ENAH: variants seen among roughly 807,000 people sequenced by gnomAD.
ENAH encodes the protein ENAH actin regulator, also known as protein enabled homolog.
A neutral mutation model predicts 78.7 loss-of-function variants in ENAH; 23 were observed. The observed-to-expected ratio is 0.29, with a 90% CI of 0.21 to 0.41. The LOEUF (loss-of-function observed/expected upper bound fraction) is 0.41, where lower values mean the gene tolerates loss of function less well. Among genes scored for constraint, ENAH ranks in the 10% least tolerant of loss-of-function variants. ENAH has a pLI of 1.00. For missense variants in ENAH, 544 were observed against 691.0 expected (o/e 0.79, Z 2.39); for synonymous variants, 226 against 241.0 (o/e 0.94, Z 0.58).
chr1:225,623,333 T>C (rs1657339725), intron 1 of ENAH, among the ~76,000 whole-genome samples: 1 of 152,202 alleles, frequency 6.6e-6, no homozygotes, highest in South Asian at 2.1e-4. Flanking sequence ...ATCTCATTTA[T>C]GTTGTTGAGC....
intron 1 of ENAH, among the ~76,000 whole-genome samples, chr1:225,626,817 G>C (rs919207028): frequency 1.3e-5 from 2 of 152,048 alleles, no homozygotes; most frequent in African/African-American, 4.8e-5. Flanking sequence ...CCACAATAGC[G>C]TTCAAATAAA....
chr1:225,636,033 T>C (rs1660000904), intron 1 of ENAH, among the ~76,000 whole-genome samples: 1 of 152,226 alleles, frequency 6.6e-6, no homozygotes, highest in African/African-American at 2.4e-5. Flanking sequence ...ATTTTCAGAC[T>C]TACCAGCTCC....
intron 1 of ENAH, among the ~76,000 whole-genome samples, chr1:225,620,692 C>T (rs1453276427): frequency 6.6e-6 from 1 of 152,052 alleles, no homozygotes; most frequent in African/African-American, 2.4e-5. Flanking sequence ...TCACTTCAAT[C>T]AGATCATAAG....
intron 4 of ENAH, among the ~76,000 whole-genome samples, chr1:225,526,715 C>G (rs1201026276): frequency 6.6e-6 from 1 of 152,070 alleles, no homozygotes; most frequent in Non-Finnish European, 1.5e-5. Flanking sequence ...TCTGAATGAT[C>G]CATTTAAAAT....
At chr1:225,603,222 C>A (rs1205427691) in intron 1 of ENAH, among the ~76,000 whole-genome samples, 3 of 152,046 alleles carry the variant, frequency 2.0e-5, no homozygotes, top group Non-Finnish European at 2.9e-5. Flanking sequence ...AGCAGTCATT[C>A]TCCCTAAGTA....
intron 1 of ENAH, among the ~76,000 whole-genome samples, chr1:225,572,181 G>A (rs575040218): frequency 1.3e-5 from 2 of 152,180 alleles, no homozygotes; most frequent in East Asian, 3.9e-4. Context: ...CACCCAGCTG[G>A]TGAAATCTCG....
At chr1:225,536,177 T>TAC (rs983346827) in intron 3 of ENAH, among the ~76,000 whole-genome samples, 2 of 152,152 alleles carry the variant, frequency 1.3e-5, no homozygotes, top group East Asian at 1.9e-4. Context: ...AATATATATA[T>TAC]ACATACTTGA....
chr1:225,631,152 T>C (rs936487545), intron 1 of ENAH, among the ~76,000 whole-genome samples: 1 of 152,194 alleles, frequency 6.6e-6, no homozygotes, highest in Non-Finnish European at 1.5e-5. Flanking sequence ...CAATTTACTA[T>C]ACCCTATACT....
chr1:225,567,179 T>C (rs1019212629), intron 2 of ENAH, 70 bp downstream of exon 2: 2 of 1,525,488 alleles, frequency 1.3e-6, no homozygotes, highest in Non-Finnish European at 1.8e-6. Context: ...AACTACTTTA[T>C]TTTACGGAAT....
chr1:225,498,123 C>A (rs189453419), intron 13 of ENAH, among the ~76,000 whole-genome samples: 239 of 152,242 alleles, frequency 1.6e-3, no homozygotes, highest in African/African-American at 5.4e-3. Flanking sequence ...TAAGAAAAGA[C>A]AACACCTGAA....
At chr1:225,536,279 A>AGTGTC (rs2096561049) in intron 3 of ENAH, among the ~76,000 whole-genome samples, 1 of 152,110 alleles carries the variant, frequency 6.6e-6, no homozygotes, top group Non-Finnish European at 1.5e-5. Flanking sequence ...CAATGAAGTA[A>AGTGTC]ATTCTCTTTA....
At chr1:225,532,049 CTT>C (rs1461519090) in intron 3 of ENAH, among the ~76,000 whole-genome samples, 1 of 151,268 alleles carries the variant, frequency 6.6e-6, no homozygotes, top group Non-Finnish European at 1.5e-5. Context: ...AAAAACAAAA[CTT>C]TTGAAATTAA....
At chr1:225,507,745 A>T (rs1020283542) in intron 11 of ENAH, among the ~76,000 whole-genome samples, 2 of 152,122 alleles carry the variant, frequency 1.3e-5, no homozygotes, top group African/African-American at 4.8e-5. Context: ...CTGGTTAATA[A>T]ATGTAGGGTA....
intron 8 of ENAH, 66 bp downstream of exon 8, chr1:225,512,805 T>C: frequency 6.2e-7 from 1 of 1,608,704 alleles, no homozygotes; most frequent in Non-Finnish European, 8.5e-7. Flanking sequence ...ATCTAGTTAG[T>C]TGTATTTGGA....
intron 7 of ENAH, among the ~76,000 whole-genome samples, chr1:225,513,705 G>A (rs1485168275): frequency 6.6e-6 from 1 of 152,134 alleles, no homozygotes; most frequent in Non-Finnish European, 1.5e-5. Context: ...AAAAGTGCAT[G>A]TGTAGGCCGG....
At chr1:225,523,346 AAGAATTATTGGTAAC>A (rs939632657) in intron 4 of ENAH, among the ~76,000 whole-genome samples, 1 of 151,658 alleles carries the variant, frequency 6.6e-6, no homozygotes, top group African/African-American at 2.4e-5. Flanking sequence ...GTGAATCTGA[AAGAATTATTGGTAAC>A]AGCATTTACA....
chr1:225,559,565 CA>C (rs2096688888), intron 2 of ENAH, among the ~76,000 whole-genome samples: 1 of 152,034 alleles, frequency 6.6e-6, no homozygotes, highest in African/African-American at 2.4e-5. Context: ...TATCTGGTTC[CA>C]AAATGGCAGC....
intron 4 of ENAH, among the ~76,000 whole-genome samples, chr1:225,521,118 CATA>C (rs1249270903): frequency 1.3e-5 from 2 of 152,070 alleles, no homozygotes; most frequent in African/African-American, 4.8e-5. Context: ...TCCATGAGTG[CATA>C]ATAATATTCG....
intron 1 of ENAH, among the ~76,000 whole-genome samples, chr1:225,578,325 A>G (rs1162536099): frequency 6.6e-6 from 1 of 152,074 alleles, no homozygotes; most frequent in Non-Finnish European, 1.5e-5. Flanking sequence ...AATAAAATAA[A>G]TTAGCCAGGC....
Sources: allele counts gnomAD v4.1 joint callset (sites outside exome capture counted in the v4.1 genomes callset), GRCh38; gene constraint gnomAD v4.1.1; transcripts MANE v1.5; gene names NCBI Gene and HGNC (gene_info 2026-07-23, HGNC 2026-07-21).